PSMA6: variants seen among roughly 807,000 people sequenced by gnomAD.
PSMA6 encodes proteasome 20S subunit alpha 6.
For synonymous variants in PSMA6, 88 were observed against 97.7 expected, an observed-to-expected ratio of 0.90 and a Z score of 0.59; for missense variants, 170 against 294.8, an observed-to-expected ratio of 0.58 and a Z score of 3.10.
chr14:35,286,940 A>ACCTCATGTAAGTTG (rs1399634567), intron 1 of PSMA6, among the ~76,000 whole-genome samples: 1 of 151,966 alleles, frequency 6.6e-6, no homozygotes, highest in Non-Finnish European at 1.5e-5. Context: ...GAGAAGCATA[A>ACCTCATGTAAGTTG]CCTCATGTAA....
chr14:35,280,710 C>T (rs2051357516), intron 1 of PSMA6, among the ~76,000 whole-genome samples: 1 of 151,868 alleles, frequency 6.6e-6, no homozygotes, highest in South Asian at 2.1e-4. Context: ...ACTCTGGTCT[C>T]ATGATTTGTT....
chr14:35,292,254 C>A (rs112979302), upstream of PSMA6: 15 of 1,337,824 alleles, frequency 1.1e-5, no homozygotes, highest in East Asian at 3.0e-5. Context: ...CAGGCGCATA[C>A]CTTCAAAGGC....
intron 1 of PSMA6, among the ~76,000 whole-genome samples, chr14:35,305,012 T>C (rs2051797491): frequency 1.3e-5 from 2 of 151,908 alleles, no homozygotes; most frequent in South Asian, 4.1e-4. Flanking sequence ...AGTTTGAGGC[T>C]GTGGTGAGCT....
intron 1 of PSMA6, among the ~76,000 whole-genome samples, chr14:35,302,679 G>C (rs1566557545): frequency 6.6e-6 from 1 of 151,934 alleles, no homozygotes; most frequent in Non-Finnish European, 1.5e-5. Context: ...TTTTGATGTA[G>C]ACCCACAGAT....
intron 1 of PSMA6, among the ~76,000 whole-genome samples, chr14:35,294,199 C>G (rs889613257): frequency 1.1e-4 from 17 of 152,198 alleles, no homozygotes; most frequent in African/African-American, 3.9e-4. Flanking sequence ...CGCCACCACG[C>G]CTGGCTAATT....
upstream of PSMA6, chr14:35,292,249 G>A (rs1019181237): frequency 6.1e-6 from 8 of 1,305,822 alleles, no homozygotes; most frequent in Admixed American, 2.6e-4. Flanking sequence ...TGGCGCAGGC[G>A]CATACCTTCA....
intron 6 of PSMA6, 191 bp from the exon 7 acceptor site, chr14:35,317,058 C>G: frequency 2.0e-6 from 1 of 500,454 alleles, no homozygotes; most frequent in Non-Finnish European, 3.6e-6. Context: ...GGTATAATAT[C>G]TGGGAATTCC....
chr14:35,295,448 C>CTTT (rs762364057), intron 1 of PSMA6, among the ~76,000 whole-genome samples: 1 of 140,754 alleles, frequency 7.1e-6, no homozygotes, highest in African/African-American at 2.6e-5. Flanking sequence ...AAGACTTTTT[C>CTTT]TTTTTTTTTT....
At chr14:35,285,885 CT>C (rs1330803562) in intron 1 of PSMA6, among the ~76,000 whole-genome samples, 1 of 152,212 alleles carries the variant, frequency 6.6e-6, no homozygotes, top group Admixed American at 6.5e-5. Context: ...GAATTAGCTG[CT>C]TTCCAAATTA....
chr14:35,292,292 A>G (rs576737782), upstream of PSMA6: 472 of 1,414,558 alleles, frequency 3.3e-4, 2 homozygotes, highest in African/African-American at 6.0e-3. Flanking sequence ...CCACCCCCTT[A>G]GGGGGCGGGG....
At chr14:35,312,362 C>T (rs2051960020) in intron 4 of PSMA6, among the ~76,000 whole-genome samples, 1 of 151,912 alleles carries the variant, frequency 6.6e-6, no homozygotes, top group African/African-American at 2.4e-5. Flanking sequence ...AAAAAATTAG[C>T]TGGGCGTGGT....
chr14:35,317,210 T>G (rs1275076602), intron 6 of PSMA6, 39 bp from the exon 7 acceptor site: 14 of 1,575,684 alleles, frequency 8.9e-6, no homozygotes, highest in Non-Finnish European at 1.1e-5. Context: ...GAAAAAATTT[T>G]TTTTAAATCG....
intron 1 of PSMA6, among the ~76,000 whole-genome samples, chr14:35,305,968 G>A (rs1188927902): frequency 2.0e-5 from 3 of 152,074 alleles, no homozygotes; most frequent in Non-Finnish European, 4.4e-5. Flanking sequence ...GCTCATCCCT[G>A]TAATCCCATC....
intron 1 of PSMA6, among the ~76,000 whole-genome samples, chr14:35,301,506 C>CAA (rs79173803): frequency 1.4e-5 from 2 of 142,434 alleles, no homozygotes; most frequent in Non-Finnish European, 1.5e-5. Context: ...GACTCCATCT[C>CAA]AAAAAAAAAA....
chr14:35,286,892 G>C (rs1487808734), intron 1 of PSMA6, among the ~76,000 whole-genome samples: 1 of 152,010 alleles, frequency 6.6e-6, no homozygotes, highest in Non-Finnish European at 1.5e-5. Flanking sequence ...GGGCAGAGGA[G>C]GGTTGCTTTA....
chr14:35,297,796 G>A (rs1258047166), intron 1 of PSMA6, among the ~76,000 whole-genome samples: 2 of 152,172 alleles, frequency 1.3e-5, no homozygotes, highest in East Asian at 3.9e-4. Context: ...GTCTTGCATC[G>A]TGTGCCTGTC....
chr14:35,307,510 G>C (rs989830056), intron 1 of PSMA6, among the ~76,000 whole-genome samples: 14 of 152,166 alleles, frequency 9.2e-5, no homozygotes, highest in African/African-American at 3.1e-4. Flanking sequence ...AAGGCAGGTG[G>C]ATCACCTGAG....
chr14:35,314,265 G>GCTC, intron 5 of PSMA6, 96 bp from the exon 6 acceptor site: 1 of 1,299,974 alleles, frequency 7.7e-7, no homozygotes. Context: ...GAAACATGGA[G>GCTC]CTCCTGATTG....
rs71445906 is a variant in PSMA6, at chr14:35,299,327, C to CTTTTTTTTTTTT, written c.76+6777_76+6788dup. The stretch of plus-strand genomic sequence containing the variant: ...TGTGAGCCGCCGCAGTGCCCAGCCT[C>CTTTTTTTTTTTT]TTTTTTTTTTTTTGAGATGGAGTCT... On this transcript the variant is annotated intron_variant, in intron 1 of 6. Coordinates refer to ENST00000261479, the MANE Select transcript of PSMA6 (RefSeq NM_002791.3). 6.1e-4 allele frequency among the ~76,000 whole-genome samples: 40 copies of CTTTTTTTTTTTT among 66,002 alleles called. 15 individuals are homozygous for CTTTTTTTTTTTT. Among genetic ancestry groups the CTTTTTTTTTTTT allele is most frequent in the Admixed American group, 9.2e-4 (4 of 4,336 alleles). 43.3% of individuals were successfully genotyped at this position (66,002 alleles called of 152,430 possible).
Sources: gnomAD v4.1 joint callset for allele counts (sites outside exome capture counted in the v4.1 genomes callset) on GRCh38, gnomAD v4.1.1 for gene constraint, MANE v1.5 for transcripts, NCBI Gene and HGNC (gene_info 2026-07-23, HGNC 2026-07-21) for gene names.